The following CLEC16A variants were observed in gnomAD, a reference collection of about 807,000 sequenced individuals.
CLEC16A encodes the protein protein CLEC16A.
CLEC16A carries 51 observed loss-of-function variants against 109.5 expected under a neutral mutation model. The observed-to-expected ratio is 0.47, with a 90% CI of 0.37 to 0.59. The LOEUF (loss-of-function observed/expected upper bound fraction) is 0.59, where lower values mean the gene tolerates loss of function less well. Ranked by LOEUF, CLEC16A falls within the 20% of genes least tolerant of loss-of-function variation. The pLI is 0.00. For missense variants in CLEC16A, 1,339 were observed against 1,394.0 expected, an observed-to-expected ratio of 0.96 and a Z score of 0.63; for synonymous variants, 673 against 564.2, an observed-to-expected ratio of 1.19 and a Z score of -2.73.
rs114502562 is a variant in CLEC16A, at chr16:10,995,180, G to T, written c.1072-7894G>T. Among the ~76,000 whole-genome samples, 233 of 152,388 alleles carry T rather than the reference G, an allele frequency of 1.5e-3. 2 individuals are homozygous for T. The highest frequency in any genetic ancestry group is 5.3e-3 in the African/African-American group (219 of 41,600). Reference sequence around the variant, plus strand: ...TGTTATTACCTGGAAAGAGTAACAAGAGTGTGCCATCTCTTGGCACCTCTC... The same window carrying T: ...TGTTATTACCTGGAAAGAGTAACAATAGTGTGCCATCTCTTGGCACCTCTC... On this transcript the variant is annotated intron_variant, in intron 10 of 23. Transcript: ENST00000409790.
chr16:11,047,099 A>C (rs1048568932), intron 16 of CLEC16A, among the ~76,000 whole-genome samples, 193 bp from the exon 17 acceptor site: 1 of 152,144 alleles, frequency 6.6e-6, no homozygotes, highest in Non-Finnish European at 1.5e-5. Context: ...GAATAGTGCA[A>C]TTTGATATTT....
intron 21 of CLEC16A, among the ~76,000 whole-genome samples, chr16:11,124,859 G>T (rs757008921): frequency 2.0e-5 from 3 of 152,166 alleles, no homozygotes; most frequent in African/African-American, 2.4e-5. Flanking sequence ...GGCCAAGGCG[G>T]GTAACTCACT....
chr16:11,162,689 G>T (rs1341062636), intron 22 of CLEC16A, among the ~76,000 whole-genome samples: 1 of 152,136 alleles, frequency 6.6e-6, no homozygotes, highest in African/African-American at 2.4e-5. Flanking sequence ...CCAACACTTA[G>T]TCTTCTCTTA....
At position 10,977,378 on chromosome 16, in the gene CLEC16A, C is replaced by T. The variant is rs1297563044; in HGVS notation, c.882C>T (p.Tyr294=). 3 of 1,613,654 alleles carry T rather than the reference C, an allele frequency of 1.9e-6. No homozygotes were observed. Among genetic ancestry groups the T allele is most frequent in the Non-Finnish European group, 2.5e-6 (3 of 1,179,726 alleles). ...LNRLFLPLYV[Y]SLENQDKGGE... is the part of the protein sequence containing the mutation. ...GGCTCTTCCTGCCCCTCTACGTGTA[C>T]TCACTGGAGAACCAGGACAAGGTGG... Residue 294 remains tyrosine (Y), a synonymous_variant, in exon 8 of 24, where the codon TAC becomes TAT. Coordinates refer to ENST00000409790, the MANE Select transcript of CLEC16A (RefSeq NM_015226.3).
intron 20 of CLEC16A, 146 bp downstream of exon 20, chr16:11,120,912 C>G: frequency 1.1e-6 from 1 of 887,210 alleles, no homozygotes; most frequent in South Asian, 5.3e-5. Context: ...AATTGTCACC[C>G]AAAAAAAAGC....
At chr16:11,054,930 TTC>T (rs2048130532) in intron 18 of CLEC16A, among the ~76,000 whole-genome samples, 1 of 144,748 alleles carries the variant, frequency 6.9e-6, no homozygotes, top group African/African-American at 2.6e-5. Flanking sequence ...AAGGTTTTCT[TTC>T]TTTTTTTTTT....
intron 11 of CLEC16A, among the ~76,000 whole-genome samples, chr16:11,010,309 C>A (rs984103034): frequency 6.6e-6 from 1 of 152,166 alleles, no homozygotes; most frequent in Admixed American, 6.5e-5. Flanking sequence ...ATCTCCCTTT[C>A]TCAATGCACA....
At chr16:11,096,488 T>G (rs76462129) in intron 19 of CLEC16A, among the ~76,000 whole-genome samples, 1 of 152,312 alleles carries the variant, frequency 6.6e-6, no homozygotes, top group East Asian at 1.9e-4. Flanking sequence ...ATACAGACCA[T>G]TGAAAGTTTT....
chr16:11,027,855 G>A (rs1268863895), intron 13 of CLEC16A: 2 of 669,294 alleles, frequency 3.0e-6, no homozygotes, highest in African/African-American at 3.6e-5. Flanking sequence ...TGTCTTCAGA[G>A]AAGATTATTT....
At chr16:11,056,496 T>C (rs1431768668) in intron 18 of CLEC16A, 2 of 152,242 alleles carry the variant, frequency 1.3e-5, no homozygotes, top group Non-Finnish European at 2.9e-5. Context: ...TAGGATTTTT[T>C]GGTGAATATC....
At chr16:10,999,671 C>CA (rs2044547058) in intron 10 of CLEC16A, among the ~76,000 whole-genome samples, 1 of 152,178 alleles carries the variant, frequency 6.6e-6, no homozygotes, top group African/African-American at 2.4e-5. Context: ...CATGCCCTCC[C>CA]ACACCAGACA....
chr16:11,001,690 G>A (rs2044677897), intron 10 of CLEC16A, among the ~76,000 whole-genome samples: 1 of 152,164 alleles, frequency 6.6e-6, no homozygotes, highest in Non-Finnish European at 1.5e-5. Context: ...CAGGCTGGAT[G>A]GAGTGTAGTG....
chr16:11,026,673 T>C (rs1190774649), intron 13 of CLEC16A, among the ~76,000 whole-genome samples: 1 of 149,306 alleles, frequency 6.7e-6, no homozygotes, highest in African/African-American at 2.5e-5. Context: ...TGCCTTCTGC[T>C]GCTTCCAATT....
chr16:10,977,546 C>T (rs982423144), intron 8 of CLEC16A, 147 bp downstream of exon 8: 83 of 796,558 alleles, frequency 1.0e-4, no homozygotes, highest in Non-Finnish European at 9.5e-5. Flanking sequence ...CGGAGTTTTG[C>T]TCTTTTACCC....
At chr16:11,127,589 T>C (rs962832960) in intron 22 of CLEC16A, among the ~76,000 whole-genome samples, 4 of 152,248 alleles carry the variant, frequency 2.6e-5, no homozygotes, top group Non-Finnish European at 4.4e-5. Flanking sequence ...GTCTCAGGGC[T>C]GGGCATGGCG....
chr16:11,115,929 A>G (rs988595287), intron 19 of CLEC16A, among the ~76,000 whole-genome samples: 2 of 151,388 alleles, frequency 1.3e-5, no homozygotes, highest in African/African-American at 4.8e-5. Flanking sequence ...GTTGCCCAGG[A>G]TGAACTCTTG....
At chr16:11,104,156 T>TGGAGTA (rs2051083599) in intron 19 of CLEC16A, among the ~76,000 whole-genome samples, 1 of 152,320 alleles carries the variant, frequency 6.6e-6, no homozygotes, top group East Asian at 1.9e-4. Context: ...TCGCCCAGGC[T>TGGAGTA]GGAGTACAGT....
At chr16:11,058,426 T>C (rs1190401730) in intron 18 of CLEC16A, among the ~76,000 whole-genome samples, 12 of 152,338 alleles carry the variant, frequency 7.9e-5, no homozygotes, top group Admixed American at 5.9e-4. Flanking sequence ...CTTATGATAC[T>C]GAGTACAATG....
intron 23 of CLEC16A, among the ~76,000 whole-genome samples, chr16:11,170,046 C>T (rs2068439527): frequency 6.6e-6 from 1 of 152,196 alleles, no homozygotes; most frequent in Non-Finnish European, 1.5e-5. Context: ...GGATCTGAAG[C>T]CTAGCCTTGG....
Sources: allele counts gnomAD v4.1 joint callset (sites outside exome capture counted in the v4.1 genomes callset), GRCh38; gene constraint gnomAD v4.1.1; transcripts MANE v1.5; gene names NCBI Gene and HGNC (gene_info 2026-07-23, HGNC 2026-07-21).